The following PRKDC variants were observed in gnomAD, a reference collection of about 807,000 sequenced individuals.
PRKDC encodes the protein DNA-dependent protein kinase catalytic subunit.
In PRKDC, 82 loss-of-function variants were observed where a neutral mutation model predicts 486.9. The ratio of observed to expected loss-of-function variants is 0.17; its 90% confidence interval spans 0.14 to 0.20. PRKDC has a LOEUF of 0.20. Among genes scored for constraint, PRKDC ranks in the 10% least tolerant of loss-of-function variants. The pLI, the probability that PRKDC is intolerant of heterozygous loss-of-function variation, is 1.00. For synonymous variants in PRKDC, 1,895 were observed against 1,837.0 expected, an observed-to-expected ratio of 1.03 and a Z score of -0.81; for missense variants, 4,504 against 5,038.2, an observed-to-expected ratio of 0.89 and a Z score of 3.21.
At chr8:47,785,439 G>A in intron 76 of PRKDC, 122 bp from the exon 77 acceptor site, 1 of 846,880 alleles carries the variant, frequency 1.2e-6, no homozygotes, top group Non-Finnish European at 1.8e-6. Flanking sequence ...CTGCTTTTAA[G>A]ATGTATAGTT....
Position 47,905,057 on chromosome 8 carries a change from T to A in PRKDC, c.2935-81A>T, listed in dbSNP as rs8178062. The A allele has an allele frequency of 4.9e-6, 5 of 1,029,070 alleles. No individual in the cohort carries two copies. The Admixed American group carries it at 6.4e-5, about 13-fold the overall frequency. 63.7% of individuals were successfully genotyped at this position (1,029,070 alleles called of 1,614,324 possible). Reference sequence around the variant, plus strand: ...TGTAAAGGGTTCCATTTAAATGCCATTTGCAGTATAAAATTAAGTAATACT... The same window carrying A: ...TGTAAAGGGTTCCATTTAAATGCCAATTGCAGTATAAAATTAAGTAATACT... On this transcript the variant is annotated intron_variant, in intron 25 of 85. Coordinates refer to ENST00000314191, the MANE Select transcript of PRKDC (RefSeq NM_006904.7).
chr8:47,783,721 G>A (rs1170829639), intron 78 of PRKDC, 21 bp downstream of exon 78: 2 of 1,613,422 alleles, frequency 1.2e-6, no homozygotes. Context: ...CAGGGACTGG[G>A]TCACACACCC....
intron 25 of PRKDC, among the ~76,000 whole-genome samples, chr8:47,909,910 C>A (rs552320091): frequency 2.0e-5 from 3 of 152,266 alleles, no homozygotes. Context: ...CAAGACAATC[C>A]ACAGTGGGAC....
At chr8:47,877,588 A>G in intron 40 of PRKDC, 136 bp downstream of exon 40, 1 of 914,578 alleles carries the variant, frequency 1.1e-6, no homozygotes, top group Non-Finnish European at 1.5e-6. Flanking sequence ...GTTTTGTTTT[A>G]AAGACAAAAA....
chr8:47,793,448 T>C (rs528012117), intron 74 of PRKDC, among the ~76,000 whole-genome samples: 10 of 151,800 alleles, frequency 6.6e-5, no homozygotes, highest in African/African-American at 2.2e-4. Flanking sequence ...GAGACCAGCC[T>C]GGCCAAGGTG....
chr8:47,927,618 C>T (rs1176846905), intron 20 of PRKDC, among the ~76,000 whole-genome samples, 153 bp downstream of exon 20: 6 of 152,122 alleles, frequency 3.9e-5, no homozygotes, highest in South Asian at 2.1e-4. Flanking sequence ...GGTCTAAGTC[C>T]CAAAGCCAGT....
intron 11 of PRKDC, among the ~76,000 whole-genome samples, chr8:47,938,175 G>T (rs1431641384): frequency 6.6e-6 from 1 of 152,092 alleles, no homozygotes; most frequent in Admixed American, 6.6e-5. Context: ...GGGAGGCCAA[G>T]GTGGGCGGAT....
intron 25 of PRKDC, among the ~76,000 whole-genome samples, chr8:47,911,099 A>G (rs1222960605): frequency 6.6e-6 from 1 of 152,130 alleles, no homozygotes; most frequent in African/African-American, 2.4e-5. Flanking sequence ...ATCTTACAGT[A>G]TTGAATAGAA....
intron 63 of PRKDC, among the ~76,000 whole-genome samples, chr8:47,824,688 T>G (rs1032131141): frequency 2.0e-5 from 3 of 152,172 alleles, no homozygotes; most frequent in Admixed American, 2.0e-4. Flanking sequence ...ATGGACCATC[T>G]CAATTTGTTG....
At chr8:47,872,920 TCAGCACTA>T (rs1182097058) in intron 40 of PRKDC, among the ~76,000 whole-genome samples, 1 of 152,044 alleles carries the variant, frequency 6.6e-6, no homozygotes, top group Non-Finnish European at 1.5e-5. Flanking sequence ...TCATACTCAA[TCAGCACTA>T]CAGACTAAAT....
rs533117681 is a variant in PRKDC at position 47,954,597 on chromosome 8, T to C, written c.400-151A>G. Among the ~76,000 whole-genome samples the C allele has an allele frequency of 5.9e-5, 9 of 152,288 alleles. 1 individual carries two copies. The East Asian group carries it at 1.7e-3, about 29-fold the overall frequency. Reference sequence around the variant, plus strand: ...GCAAAGGTTCAGAATTAGGTGTGTCTCAAGGATTTACACTTGGTCTCACAG... The same window carrying C: ...GCAAAGGTTCAGAATTAGGTGTGTCCCAAGGATTTACACTTGGTCTCACAG... On this transcript the variant is annotated intron_variant, in intron 4 of 85. Coordinates refer to ENST00000314191, the MANE Select transcript of PRKDC (RefSeq NM_006904.7).
Position 47,858,881 on chromosome 8 carries a change from G to A in PRKDC, c.6313C>T (p.His2105Tyr). 6.2e-7 allele frequency: 1 copy of A among 1,613,860 alleles called. No individual in the cohort carries two copies. Among genetic ancestry groups the A allele is most frequent in the Non-Finnish European group, 8.5e-7 (1 of 1,179,870 alleles). ...CCTTGAGGCGGGCCCAGGCTTCTGT[G>A]CATGTGCTTGACCAGGGCCGTCAGG... ...APLTALVKHM[H>Y]RSLGPPQGEE... Residue 2105 changes from histidine (H) to tyrosine (Y), a missense_variant, in exon 47 of 86, where the codon CAC becomes TAC. This residue lies in a region of PRKDC where 1,592 missense variants were observed against 1,724.6 expected (regional missense o/e 0.92). Transcript: ENST00000314191.
intron 10 of PRKDC, 165 bp from the exon 11 acceptor site, chr8:47,939,862 A>G (rs1002373394): frequency 5.6e-6 from 3 of 533,128 alleles, no homozygotes; most frequent in African/African-American, 2.0e-5. Flanking sequence ...CTTAGTCTCT[A>G]TCAGGTTCAG....
Position 47,915,365 on chromosome 8 carries a change from T to G in PRKDC, c.2580A>C (p.Gly860=). The G allele has an allele frequency of 6.4e-7, 1 of 1,569,320 alleles. No homozygotes were observed. Among genetic ancestry groups the G allele is most frequent in the Non-Finnish European group, 8.7e-7 (1 of 1,154,564 alleles). ...TTTTGTTTATTTGTCCTCCTAGAGA[T>G]CCAAGCATTTGTACTACTCTAATTC... ...EIRIRVVQML[G]SLGGQINKNL... is the part of the protein sequence containing the mutation. The change falls in exon 23 of 86, where the codon GGA becomes GGC. Residue 860 remains glycine, a synonymous_variant. Transcript: ENST00000314191.
Position 47,930,781 on chromosome 8 carries a change from C to G in PRKDC, c.1783G>C (p.Asp595His). 6.4e-7 allele frequency: 1 copy of G among 1,571,860 alleles called. No individual in the cohort carries two copies. ...IQTVGEQENG[D>H]EAPGVWMIPT... ...ATCATCCAAACACCAGGCGCCTCAT[C>G]TCCATTCTTAAAGAGTAATTGTAGC... Residue 595 changes from aspartate (D) to histidine (H), a missense_variant, in exon 17 of 86, where the codon GAT becomes CAT. Transcript: ENST00000314191.
intron 15 of PRKDC, among the ~76,000 whole-genome samples, chr8:47,933,566 ATATACT>A (rs1199683300): frequency 6.6e-6 from 1 of 152,198 alleles, no homozygotes; most frequent in Non-Finnish European, 1.5e-5. Context: ...GTACATGCAC[ATATACT>A]TATGTGCATA....
chr8:47,900,879 G>T (rs1335084952), intron 27 of PRKDC, among the ~76,000 whole-genome samples: 1 of 151,268 alleles, frequency 6.6e-6, no homozygotes, highest in African/African-American at 2.4e-5. Context: ...TTTTGTTGTT[G>T]TTTTTTTAAA....
rs2089215869 is a variant in PRKDC, at chr8:47,881,498, T to A, written c.4985A>T (p.Asn1662Ile). 1.3e-6 allele frequency: 2 copies of A among 1,548,538 alleles called. No homozygotes were observed. The highest frequency in any genetic ancestry group is 8.8e-7 in the Non-Finnish European group (1 of 1,132,520). ...ILQIDSSVSF[N>I]TSHGSFPEVF... ...TTCAGGGAATGAACCATGACTTGTA[T>A]TAAAAGATACAGATGAATCAATCTA... The change falls in exon 38 of 86, where the codon AAT becomes ATT. Residue 1662 changes from asparagine (N) to isoleucine (I), a missense_variant. This residue lies in a region of PRKDC where 1,969 missense variants were observed against 2,068.9 expected (regional missense o/e 0.95). Coordinates refer to ENST00000314191, the MANE Select transcript of PRKDC (RefSeq NM_006904.7).
chr8:47,891,528 G>A (rs901873429), intron 31 of PRKDC, among the ~76,000 whole-genome samples: 2 of 151,948 alleles, frequency 1.3e-5, no homozygotes, highest in Non-Finnish European at 2.9e-5. Context: ...AGACCATCCT[G>A]GCTAACACAG....
Sources: allele counts gnomAD v4.1 joint callset (sites outside exome capture counted in the v4.1 genomes callset), GRCh38; gene constraint gnomAD v4.1.1; regional missense constraint gnomAD v4.1.1; transcripts MANE v1.5; gene names NCBI Gene and HGNC (gene_info 2026-07-23, HGNC 2026-07-21).